CDK5RAP1: variants seen among roughly 807,000 people sequenced by gnomAD.
CDK5RAP1 encodes the protein mitochondrial tRNA methylthiotransferase CDK5RAP1.
Under a neutral mutation model 64.5 loss-of-function variants are expected in CDK5RAP1, and 62 were observed. The observed-to-expected ratio is 0.96, with a 90% CI of 0.78 to 1.19. The LOEUF is 1.19. CDK5RAP1 is among the 50% of genes most tolerant of loss of function. The pLI, the probability that CDK5RAP1 is intolerant of heterozygous loss-of-function variation, is 0.00. For synonymous variants in CDK5RAP1, 250 were observed against 261.9 expected, an observed-to-expected ratio of 0.95 and a Z score of 0.44; for missense variants, 657 against 735.0, an observed-to-expected ratio of 0.89 and a Z score of 1.23.
chr20:33,378,023 T>G (rs1986235752), intron 8 of CDK5RAP1, among the ~76,000 whole-genome samples: 1 of 152,234 alleles, frequency 6.6e-6, no homozygotes, highest in Non-Finnish European at 1.5e-5. Context: ...GGAGTAGTAC[T>G]TTTAATTTCC....
chr20:33,399,791 C>A (rs1011363626), intron 1 of CDK5RAP1, among the ~76,000 whole-genome samples: 19 of 152,092 alleles, frequency 1.2e-4, no homozygotes, highest in African/African-American at 4.3e-4. Flanking sequence ...TTTGGGAGGC[C>A]GAGGCAGGCG....
At chr20:33,375,955 C>A (rs1429900924) in intron 8 of CDK5RAP1, among the ~76,000 whole-genome samples, 1 of 152,156 alleles carries the variant, frequency 6.6e-6, no homozygotes, top group African/African-American at 2.4e-5. Flanking sequence ...AACTGCTAGG[C>A]CAAGCGATCC....
intron 1 of CDK5RAP1, among the ~76,000 whole-genome samples, chr20:33,400,212 C>T (rs949596053): frequency 6.6e-6 from 1 of 152,236 alleles, no homozygotes; most frequent in Admixed American, 6.5e-5. Flanking sequence ...AACCCGGTTC[C>T]TCACAGGCCA....
At position 33,387,436 on chromosome 20, in the gene CDK5RAP1, C is replaced by G. The variant is rs768498026; in HGVS notation, c.642G>C (p.Leu214=). Residue 214 remains leucine (L), a synonymous_variant, in exon 6 of 14, where the codon CTG becomes CTC. Transcript: ENST00000346416. ...GCTGGCCCGACTCAGCAACAGCCAGCAGCCGGGGAAGGTCCCGGTAGGCAT... is the reference window on the plus strand; with the variant it reads ...GCTGGCCCGACTCAGCAACAGCCAGGAGCCGGGGAAGGTCCCGGTAGGCAT... ...GPDAYRDLPR[L]LAVAESGQQA... The G allele has an allele frequency of 6.2e-7, 1 of 1,614,164 alleles. No homozygotes were observed. The highest frequency in any genetic ancestry group is 1.1e-5 in the South Asian group (1 of 91,080).
intron 1 of CDK5RAP1, among the ~76,000 whole-genome samples, chr20:33,397,394 T>C (rs1457666709): frequency 6.6e-6 from 1 of 152,164 alleles, no homozygotes; most frequent in East Asian, 1.9e-4. Context: ...TCCCAAGGCT[T>C]TAAGTGTATT....
At chr20:33,377,640 G>GT (rs1371282190) in intron 8 of CDK5RAP1, among the ~76,000 whole-genome samples, 5 of 151,968 alleles carry the variant, frequency 3.3e-5, no homozygotes, top group Admixed American at 6.6e-5. Context: ...GTTGTTAGTG[G>GT]TTTTTTTGGG....
intron 8 of CDK5RAP1, among the ~76,000 whole-genome samples, chr20:33,378,816 C>T (rs1986359894): frequency 6.6e-6 from 1 of 152,176 alleles, no homozygotes; most frequent in South Asian, 2.1e-4. Flanking sequence ...CCACCCCACA[C>T]CACCATTACC....
chr20:33,385,555 A>T, intron 7 of CDK5RAP1, 95 bp downstream of exon 7: 2 of 1,445,142 alleles, frequency 1.4e-6, no homozygotes, highest in Non-Finnish European at 1.9e-6. Flanking sequence ...CCTAAACTTT[A>T]ATAAGTCAGA....
intron 1 of CDK5RAP1, among the ~76,000 whole-genome samples, chr20:33,397,657 T>C (rs1989029646): frequency 6.6e-6 from 1 of 152,200 alleles, no homozygotes; most frequent in Non-Finnish European, 1.5e-5. Context: ...AAGCAACTAA[T>C]GTGAGGGCAT....
intron 8 of CDK5RAP1, among the ~76,000 whole-genome samples, chr20:33,377,562 T>C (rs1250574624): frequency 6.6e-6 from 1 of 152,238 alleles, no homozygotes; most frequent in Non-Finnish European, 1.5e-5. Flanking sequence ...AAGGAAGTGC[T>C]GCGGCTTCTT....
chr20:33,381,580 C>A lies in CDK5RAP1; in HGVS notation c.877-1889G>T, dbSNP rs112218263. 4.0e-3 allele frequency among the ~76,000 whole-genome samples: 611 copies of A among 152,216 alleles called. 7 individuals carry two copies. The highest frequency in any genetic ancestry group is 0.014 in the African/African-American group (574 of 41,538). ...TAGCTGGGACTACAGGCGTGTGTCA[C>A]CACGCCAGGCTAACTTTTTGTATTT... On this transcript the variant is annotated intron_variant, in intron 7 of 13. Coordinates refer to ENST00000346416, the MANE Select transcript of CDK5RAP1 (RefSeq NM_016408.4).
At chr20:33,388,318 T>C (rs1987725377) in intron 5 of CDK5RAP1, among the ~76,000 whole-genome samples, 1 of 152,140 alleles carries the variant, frequency 6.6e-6, no homozygotes, top group Non-Finnish European at 1.5e-5. Context: ...ATTAAAGTTA[T>C]AATATCTTAA....
In CDK5RAP1 at chr20:33,401,420, C is replaced by G; in HGVS notation, c.-21+8G>C. Reference sequence around the variant, plus strand: ...TGCGCAGCCCACCCCGGCGGCCGCGCTGCTCACCTCCCGCAGCAGCAACAG... The same window carrying G: ...TGCGCAGCCCACCCCGGCGGCCGCGGTGCTCACCTCCCGCAGCAGCAACAG... On this transcript the variant is annotated splice_region_variant and intron_variant, in intron 1 of 13. Transcript: ENST00000346416. 2.0e-6 allele frequency: 2 copies of G among 985,514 alleles called. No individual in the cohort carries two copies. The highest frequency in any genetic ancestry group is 2.4e-6 in the Non-Finnish European group (2 of 829,968). 61.0% of individuals were successfully genotyped at this position (985,514 alleles called of 1,614,324 possible).
chr20:33,379,499 G>A lies in CDK5RAP1; in HGVS notation c.1069C>T (p.Arg357Cys), dbSNP rs375243265. Residue 357 changes from arginine (R) to cysteine (C), a missense_variant, in exon 8 of 14, where the codon CGT becomes TGT. Coordinates refer to ENST00000346416, the MANE Select transcript of CDK5RAP1 (RefSeq NM_016408.4). ...TCCTTGGGGTGGGGAGAGGTAAAAC[G>A]GATCCTCATTTCAGGATCTACTCTG... Reference protein sequence around the residue: ...VSRVDPEMRIRFTSPHPKDFP... With the variant: ...VSRVDPEMRICFTSPHPKDFP... 1.5e-5 allele frequency: 25 copies of A among 1,613,592 alleles called. No homozygotes were observed. Among genetic ancestry groups the A allele is most frequent in the South Asian group, 3.3e-5 (3 of 91,072 alleles).
chr20:33,370,634 G>A lies in CDK5RAP1; in HGVS notation c.1262-5C>T. ...AATCGCTGCTGAGGCTCACACCTGTGATACACAGCAAAGGATGACAGGTGA... is the reference window on the plus strand; with the variant it reads ...AATCGCTGCTGAGGCTCACACCTGTAATACACAGCAAAGGATGACAGGTGA... On this transcript the variant is annotated splice_region_variant and splice_polypyrimidine_tract_variant and intron_variant, in intron 10 of 13. Transcript: ENST00000346416. 6.2e-7 allele frequency: 1 copy of A among 1,614,132 alleles called. No individual in the cohort carries two copies. Among genetic ancestry groups the A allele is most frequent in the Non-Finnish European group, 8.5e-7 (1 of 1,179,984 alleles).
chr20:33,392,225 G>A lies in CDK5RAP1; in HGVS notation c.461C>T (p.Thr154Ile). The change falls in exon 5 of 14, where the codon ACC (threonine) becomes ATC (isoleucine). Residue 154 changes from threonine to isoleucine, a missense_variant. By Grantham distance (89) the Thr-to-Ile change is moderately conservative (BLOSUM62 -1). Coordinates refer to ENST00000346416, the MANE Select transcript of CDK5RAP1 (RefSeq NM_016408.4). The stretch of plus-strand genomic sequence containing the variant: ...AAGCTGATGTAAACGGTTCCAGATG[G>A]TCTGCTCAGCCTTCTCCCTAGAGAG... ...TCSIREKAEQ[T>I]IWNRLHQLKA... is the part of the protein sequence containing the mutation. 6.2e-7 allele frequency: 1 copy of A among 1,613,190 alleles called. No individual in the cohort carries two copies. Among genetic ancestry groups the A allele is most frequent in the African/African-American group, 1.3e-5 (1 of 75,028 alleles).
At chr20:33,377,093 T>G (rs1986099899) in intron 8 of CDK5RAP1, among the ~76,000 whole-genome samples, 2 of 152,160 alleles carry the variant, frequency 1.3e-5, no homozygotes. Context: ...CCCAGCACTT[T>G]GAGAGGCCTA....
intron 12 of CDK5RAP1, among the ~76,000 whole-genome samples, chr20:33,361,231 G>C (rs966142518): frequency 1.3e-5 from 2 of 152,178 alleles, no homozygotes; most frequent in Non-Finnish European, 2.9e-5. Flanking sequence ...TGAAGCAGGA[G>C]GGGAGAGCTC....
intron 5 of CDK5RAP1, among the ~76,000 whole-genome samples, chr20:33,391,593 A>G (rs925696073): frequency 6.6e-6 from 1 of 152,134 alleles, no homozygotes; most frequent in Non-Finnish European, 1.5e-5. Flanking sequence ...AGGCTGAGGC[A>G]GGCGGATCAC....
Sources: allele counts gnomAD v4.1 joint callset (sites outside exome capture counted in the v4.1 genomes callset), GRCh38; gene constraint gnomAD v4.1.1; transcripts MANE v1.5; gene names NCBI Gene and HGNC (gene_info 2026-07-23, HGNC 2026-07-21).